TOP6BL: variants seen among roughly 807,000 people sequenced by gnomAD.
TOP6BL encodes TOP6B like initiator of meiotic double strand breaks, also known as type 2 DNA topoisomerase 6 subunit B-like.
the TOP6BL span, among the ~76,000 whole-genome samples, chr11:66,749,082 T>C: frequency 6.6e-6 from 1 of 151,976 alleles, no homozygotes; most frequent in Non-Finnish European, 1.5e-5. Context: ...TGTGTGTAGG[T>C]TTATTGAAGG....
chr11:66,838,057 C>G, the TOP6BL span, among the ~76,000 whole-genome samples: 50 of 152,264 alleles, frequency 3.3e-4, no homozygotes, highest in Middle Eastern at 6.8e-3. Flanking sequence ...TTGCACATTA[C>G]TTGATGAATG....
At chr11:66,803,258 G>T in the TOP6BL span, among the ~76,000 whole-genome samples, 1 of 152,088 alleles carries the variant, frequency 6.6e-6, no homozygotes, top group East Asian at 1.9e-4. Context: ...CAGAACCAAA[G>T]ATTAATTTTA....
the TOP6BL span, among the ~76,000 whole-genome samples, chr11:66,825,092 G>A: frequency 6.6e-6 from 1 of 151,666 alleles, no homozygotes; most frequent in African/African-American, 2.4e-5. Context: ...TCAAACTCCC[G>A]ACCTCAGGTG....
the TOP6BL span, among the ~76,000 whole-genome samples, chr11:66,834,853 G>A: frequency 6.6e-6 from 1 of 152,080 alleles, no homozygotes; most frequent in African/African-American, 2.4e-5. Flanking sequence ...GGCGAGGAGT[G>A]GATATTTTAA....
At chr11:66,778,420 C>T in the TOP6BL span, among the ~76,000 whole-genome samples, 1 of 152,036 alleles carries the variant, frequency 6.6e-6, no homozygotes, top group Non-Finnish European at 1.5e-5. Context: ...GAGCTGCGAT[C>T]ACAGCACTGC....
the TOP6BL span, chr11:66,748,548 C>T: frequency 3.4e-6 from 5 of 1,490,606 alleles, no homozygotes; most frequent in Non-Finnish European, 4.5e-6. Context: ...TATTTTCTAT[C>T]TCTTTTGTCA....
chr11:66,817,577 T>TA, the TOP6BL span, among the ~76,000 whole-genome samples: 1 of 152,094 alleles, frequency 6.6e-6, no homozygotes, highest in African/African-American at 2.4e-5. Context: ...TAGCTGGAAT[T>TA]ACAGGCACAC....
chr11:66,763,306 C>T, the TOP6BL span, among the ~76,000 whole-genome samples: 1 of 152,180 alleles, frequency 6.6e-6, no homozygotes, highest in Non-Finnish European at 1.5e-5. Flanking sequence ...ATCTACCTTC[C>T]AACTGTCTGT....
the TOP6BL span, among the ~76,000 whole-genome samples, chr11:66,836,736 T>TG: frequency 8.1e-6 from 1 of 122,886 alleles, no homozygotes; most frequent in African/African-American, 3.1e-5. Context: ...AGTCTTGCCC[T>TG]GCCACCCAGG....
chr11:66,837,525 A>T, the TOP6BL span, among the ~76,000 whole-genome samples: 10 of 150,946 alleles, frequency 6.6e-5, no homozygotes, highest in Admixed American at 5.9e-4. Context: ...GCTCACTGCA[A>T]CATCCACCTC....
At chr11:66,814,536 TA>T in the TOP6BL span, among the ~76,000 whole-genome samples, 1 of 152,146 alleles carries the variant, frequency 6.6e-6, no homozygotes, top group Non-Finnish European at 1.5e-5. Flanking sequence ...GTGCTGGTAT[TA>T]CAGGTGTGAG....
At chr11:66,813,760 C>A in the TOP6BL span, 17 of 1,041,694 alleles carry the variant, frequency 1.6e-5, no homozygotes, top group South Asian at 2.6e-4. Context: ...AACTGCATAG[C>A]ACACTTATGG....
chr11:66,774,399 C>T, the TOP6BL span, among the ~76,000 whole-genome samples: 1 of 151,930 alleles, frequency 6.6e-6, no homozygotes, highest in African/African-American at 2.4e-5. Flanking sequence ...TATGATAGGG[C>T]AAATCTCTCC....
the TOP6BL span, among the ~76,000 whole-genome samples, chr11:66,780,545 A>G: frequency 2.6e-5 from 4 of 151,970 alleles, no homozygotes; most frequent in African/African-American, 2.4e-5. Context: ...GATGTTGTCA[A>G]TTGTCTTCTG....
the TOP6BL span, chr11:66,843,290 C>T: frequency 7.6e-6 from 12 of 1,587,634 alleles, no homozygotes; most frequent in African/African-American, 1.3e-5. Context: ...CAGCCGTTAT[C>T]CCGTGGTTTA....
At chr11:66,835,691 T>C in the TOP6BL span, among the ~76,000 whole-genome samples, 1 of 152,232 alleles carries the variant, frequency 6.6e-6, no homozygotes, top group East Asian at 1.9e-4. Flanking sequence ...GTGCCTTCTT[T>C]CATTTAGCAT....
At chr11:66,760,665 A>T in the TOP6BL span, among the ~76,000 whole-genome samples, 1 of 146,416 alleles carries the variant, frequency 6.8e-6, no homozygotes, top group Admixed American at 6.9e-5. Flanking sequence ...TTAGCCAGGG[A>T]AGGTGGTGCA....
At chr11:66,827,042 C>T in the TOP6BL span, among the ~76,000 whole-genome samples, 1,240 of 127,900 alleles carry the variant, frequency 9.7e-3, 21 homozygotes, top group African/African-American at 0.034. Context: ...AGTGCAATGG[C>T]GCGATCTCGG....
the TOP6BL span, among the ~76,000 whole-genome samples, chr11:66,829,434 G>T: frequency 6.6e-6 from 1 of 152,018 alleles, no homozygotes; most frequent in Admixed American, 6.6e-5. Flanking sequence ...ACATTAGCCG[G>T]TGTGGCGACA....
Sources: gnomAD v4.1 joint callset for allele counts (sites outside exome capture counted in the v4.1 genomes callset) on GRCh38, gnomAD v4.1.1 for gene constraint, MANE v1.5 for transcripts, NCBI Gene and HGNC (gene_info 2026-07-23, HGNC 2026-07-21) for gene names.